The following HTR1F variants were observed in gnomAD, a reference collection of about 807,000 sequenced individuals.
The protein encoded by HTR1F is 5-hydroxytryptamine receptor 1F.
Under a neutral mutation model 24.0 loss-of-function variants are expected in HTR1F, and 17 were observed. The observed-to-expected ratio is 0.71, with a 90% CI of 0.48 to 1.06. The LOEUF (loss-of-function observed/expected upper bound fraction) is 1.06. HTR1F is among the 50% of genes least tolerant of loss of function. The pLI, the probability that HTR1F is intolerant of heterozygous loss-of-function variation, is 0.00. For synonymous variants in HTR1F, 186 were observed against 156.8 expected, an observed-to-expected ratio of 1.19 and a Z score of -1.39; for missense variants, 391 against 427.8, an observed-to-expected ratio of 0.91 and a Z score of 0.76.
intron 2 of HTR1F, among the ~76,000 whole-genome samples, chr3:87,923,728 T>C (rs1168380596): frequency 1.3e-5 from 2 of 152,056 alleles, no homozygotes; most frequent in Non-Finnish European, 2.9e-5. Context: ...TTTTAGCAAA[T>C]GTTTTTTCTG....
chr3:87,932,258 C>A (rs962136869), intron 2 of HTR1F, among the ~76,000 whole-genome samples: 9 of 152,142 alleles, frequency 5.9e-5, no homozygotes, highest in Admixed American at 3.3e-4. Context: ...CAGCCTTCTA[C>A]ATATGGCTAG....
intron 2 of HTR1F, among the ~76,000 whole-genome samples, chr3:87,929,962 G>A (rs575863237): frequency 2.0e-4 from 31 of 151,938 alleles, no homozygotes; most frequent in Non-Finnish European, 3.7e-4. Flanking sequence ...TGTTTCTATC[G>A]TCTCTGATTT....
chr3:87,796,047 A>G (rs1392996932), intron 1 of HTR1F, among the ~76,000 whole-genome samples: 1 of 152,208 alleles, frequency 6.6e-6, no homozygotes, highest in Non-Finnish European at 1.5e-5. Context: ...TGTTTCCCCA[A>G]TAACTTCTTG....
chr3:87,806,592 C>T (rs773631715), intron 1 of HTR1F, among the ~76,000 whole-genome samples: 1 of 151,988 alleles, frequency 6.6e-6, no homozygotes, highest in Non-Finnish European at 1.5e-5. Context: ...ATATTTTCTC[C>T]TATTCAACAG....
At chr3:87,976,190 G>A (rs116741294) in intron 2 of HTR1F, among the ~76,000 whole-genome samples, 2,608 of 152,150 alleles carry the variant, frequency 0.017, 90 homozygotes, top group African/African-American at 0.06. Context: ...ACAAAAGAAA[G>A]ATAGAATACA....
At chr3:87,917,253 A>C (rs1276794124) in intron 2 of HTR1F, among the ~76,000 whole-genome samples, 2 of 152,046 alleles carry the variant, frequency 1.3e-5, no homozygotes, top group African/African-American at 2.4e-5. Flanking sequence ...TGCCTACATC[A>C]AAAAGTCTGA....
chr3:87,910,564 G>A (rs1379183327), intron 2 of HTR1F, among the ~76,000 whole-genome samples: 1 of 151,944 alleles, frequency 6.6e-6, no homozygotes, highest in Non-Finnish European at 1.5e-5. Flanking sequence ...ACAGATCACT[G>A]AGGCAGAAAA....
In HTR1F at chr3:87,949,220, T is replaced by A. The variant is rs181995927; in HGVS notation, c.-42-41488T>A. Among the ~76,000 whole-genome samples, 18 of 152,342 alleles carry A rather than the reference T, an allele frequency of 1.2e-4. No homozygotes were observed. In the East Asian group the frequency reaches 3.3e-3, roughly 28 times the overall value. On this transcript the variant is annotated intron_variant, in intron 2 of 2. Transcript: ENST00000319595. ...GTATTGCCAAGAAGAGCAAAGATCC[T>A]TTAGGGTAGTTTCTAACACTGTCTT... is the stretch of plus-strand genomic sequence containing the variant.
intron 2 of HTR1F, among the ~76,000 whole-genome samples, chr3:87,921,008 G>C (rs1256479293): frequency 4.0e-5 from 6 of 151,874 alleles, no homozygotes; most frequent in Non-Finnish European, 8.8e-5. Context: ...TCCCCCTAAA[G>C]CTCAATACTT....
intron 2 of HTR1F, among the ~76,000 whole-genome samples, chr3:87,966,052 G>A (rs1286818088): frequency 6.6e-6 from 1 of 152,154 alleles, no homozygotes. Flanking sequence ...CAAAAACTGA[G>A]TGGCTTATAA....
At position 87,922,713 on chromosome 3, in the gene HTR1F, G is replaced by A. The variant is rs530761324; in HGVS notation, c.-42-67995G>A. 5.3e-4 allele frequency among the ~76,000 whole-genome samples: 80 copies of A among 151,960 alleles called. 1 individual carries two copies. Among genetic ancestry groups the A allele is most frequent in the African/African-American group, 1.8e-3 (74 of 41,520 alleles). ...TTAATTTTTATATATAGGGAGAGAT[G>A]GGGTGTAGTTTCATTCTTCTTCATG... On this transcript the variant is annotated intron_variant, in intron 2 of 2. Transcript: ENST00000319595.
At chr3:87,986,676 A>C (rs1233617145) in intron 2 of HTR1F, among the ~76,000 whole-genome samples, 2 of 152,224 alleles carry the variant, frequency 1.3e-5, no homozygotes, top group Non-Finnish European at 2.9e-5. Flanking sequence ...TGTATTCAAA[A>C]GGTAATTTCA....
chr3:87,936,843 A>G (rs1390993050), intron 2 of HTR1F, among the ~76,000 whole-genome samples: 1 of 152,014 alleles, frequency 6.6e-6, no homozygotes, highest in Non-Finnish European at 1.5e-5. Context: ...TTTCATCTCT[A>G]AACACCTCTA....
intron 2 of HTR1F, among the ~76,000 whole-genome samples, chr3:87,831,123 T>C (rs370573226): frequency 1.3e-5 from 2 of 152,008 alleles, no homozygotes; most frequent in African/African-American, 4.8e-5. Flanking sequence ...CTCCTGGTAG[T>C]GTGGGGTCTA....
At chr3:87,805,291 G>A (rs941993893) in intron 1 of HTR1F, among the ~76,000 whole-genome samples, 1 of 151,798 alleles carries the variant, frequency 6.6e-6, no homozygotes, top group Non-Finnish European at 1.5e-5. Context: ...TTGTGAGATA[G>A]CAGAAAAGTT....
At chr3:87,946,809 T>C (rs1209996001) in intron 2 of HTR1F, among the ~76,000 whole-genome samples, 1 of 151,800 alleles carries the variant, frequency 6.6e-6, no homozygotes, top group Non-Finnish European at 1.5e-5. Context: ...GTGTTTTTAG[T>C]AGAGTCGGGG....
chr3:87,831,576 A>G (rs1704581806), intron 2 of HTR1F, among the ~76,000 whole-genome samples: 1 of 151,832 alleles, frequency 6.6e-6, no homozygotes, highest in Admixed American at 6.6e-5. Context: ...GTTAGCCAGG[A>G]TGGTCTCGAT....
Position 87,857,778 on chromosome 3 carries a change from T to C in HTR1F, c.-43+35654T>C, listed in dbSNP as rs528106292. Reference sequence around the variant, plus strand: ...CCATAGTTTACATTAGGGTTCACTCTTGGTGTTGTACGTTCTATGGATTAA... The same window carrying C: ...CCATAGTTTACATTAGGGTTCACTCCTGGTGTTGTACGTTCTATGGATTAA... On this transcript the variant is annotated intron_variant, in intron 2 of 2. Transcript: ENST00000319595. Among the ~76,000 whole-genome samples the C allele has an allele frequency of 3.3e-5, 5 of 152,282 alleles. No individual in the cohort carries two copies. In the South Asian group the frequency reaches 1.0e-3, roughly 32 times the overall value.
At chr3:87,804,198 G>A (rs189276690) in intron 1 of HTR1F, among the ~76,000 whole-genome samples, 7 of 152,132 alleles carry the variant, frequency 4.6e-5, no homozygotes, top group Admixed American at 4.6e-4. Flanking sequence ...AGGTGTTTCT[G>A]ACATACAAAA....
Sources: gnomAD v4.1 joint callset for allele counts (sites outside exome capture counted in the v4.1 genomes callset) on GRCh38, gnomAD v4.1.1 for gene constraint, MANE v1.5 for transcripts, NCBI Gene and HGNC (gene_info 2026-07-23, HGNC 2026-07-21) for gene names.